Variants in NCOR1 observed in about 807,000 individuals in gnomAD.
The protein encoded by NCOR1 is protein phosphatase 1, regulatory subunit 109.
A neutral mutation model predicts 288.1 loss-of-function variants in NCOR1; 63 were observed. The observed-to-expected ratio is 0.22, with a 90% CI of 0.18 to 0.27. NCOR1 has a LOEUF of 0.27. Among genes scored for constraint, NCOR1 ranks in the 10% least tolerant of loss-of-function variants. The probability of loss-of-function intolerance (pLI) is 1.00; values close to 1 mark genes in which losing one functional copy is unlikely to be tolerated. For synonymous variants in NCOR1, 1,007 were observed against 1,065.9 expected (o/e 0.94, Z 1.08); for missense variants, 2,397 against 3,019.2 (o/e 0.79, Z 4.83).
intron 42 of NCOR1, among the ~76,000 whole-genome samples, chr17:16,045,474 T>C (rs988771525): frequency 6.6e-6 from 1 of 152,194 alleles, no homozygotes; most frequent in Non-Finnish European, 1.5e-5. Context: ...GATAACCTTT[T>C]GCTACCATTA....
intron 2 of NCOR1, among the ~76,000 whole-genome samples, chr17:16,191,092 T>G (rs2088169647): frequency 6.6e-6 from 1 of 152,236 alleles, no homozygotes; most frequent in South Asian, 2.1e-4. Flanking sequence ...AGCCTATGCC[T>G]GAATTCTAGT....
intron 1 of NCOR1, among the ~76,000 whole-genome samples, chr17:16,207,969 T>C (rs753919008): frequency 6.6e-6 from 1 of 151,226 alleles, no homozygotes; most frequent in African/African-American, 2.4e-5. Flanking sequence ...CTAGTCGATA[T>C]TATTCTTTCA....
intron 5 of NCOR1, among the ~76,000 whole-genome samples, chr17:16,159,534 G>C (rs2080405236): frequency 6.6e-6 from 1 of 151,544 alleles, no homozygotes; most frequent in Non-Finnish European, 1.5e-5. Flanking sequence ...TGACAGCACT[G>C]AAAAAACACT....
intron 2 of NCOR1, among the ~76,000 whole-genome samples, chr17:16,193,976 CA>C (rs1206479513): frequency 1.3e-5 from 2 of 152,146 alleles, no homozygotes; most frequent in Non-Finnish European, 2.9e-5. Context: ...TTATTTTTCA[CA>C]AGGTAAATCA....
chr17:16,081,617 T>A (rs1226689197), intron 23 of NCOR1, among the ~76,000 whole-genome samples: 2 of 152,184 alleles, frequency 1.3e-5, no homozygotes, highest in Admixed American at 1.3e-4. Flanking sequence ...ATTGTTTGAC[T>A]TCTCTGTTGG....
chr17:16,154,726 T>C (rs1455661331), intron 6 of NCOR1, among the ~76,000 whole-genome samples: 1 of 152,118 alleles, frequency 6.6e-6, no homozygotes, highest in African/African-American at 2.4e-5. Context: ...AAGGTTCTAT[T>C]TGGAGAATCA....
chr17:16,160,892 G>C (rs1218066584), intron 5 of NCOR1, among the ~76,000 whole-genome samples: 2 of 152,054 alleles, frequency 1.3e-5, no homozygotes, highest in African/African-American at 4.8e-5. Context: ...GGGAGTTTCT[G>C]AACCTATTCT....
chr17:16,039,534 A>T lies in NCOR1; in HGVS notation c.6854T>A (p.Val2285Asp), dbSNP rs2057149208. The change falls in exon 44 of 46, where the codon GTC becomes GAC. Residue 2285 changes from valine (V) to aspartate (D), a missense_variant. Val to Asp is a radical substitution (Grantham distance 152, BLOSUM62 -3). Around this residue, in one of 11 missense-constraint regions of NCOR1, gnomAD observed 1,872 missense variants for 2,187.8 expected, o/e 0.86. Transcript: ENST00000268712. ...CACTACTCCCATAGGCTGGGACATGACAACTCCATGATCCTCAACTTTGTC... is the reference window on the plus strand; with the variant it reads ...CACTACTCCCATAGGCTGGGACATGTCAACTCCATGATCCTCAACTTTGTC... ...FDDKVEDHGV[V>D]MSQPMGVVPG... is the part of the protein sequence containing the mutation. 6.2e-7 allele frequency: 1 copy of T among 1,614,046 alleles called. No homozygotes were observed. Among genetic ancestry groups the T allele is most frequent in the African/African-American group, 1.3e-5 (1 of 74,918 alleles).
At chr17:16,074,255 A>C (rs1370211746) in intron 27 of NCOR1, among the ~76,000 whole-genome samples, 1 of 152,180 alleles carries the variant, frequency 6.6e-6, no homozygotes, top group East Asian at 1.9e-4. Flanking sequence ...AGTTATATCC[A>C]GGGTGATGGA....
chr17:16,124,216 T>G (rs1745825732), intron 15 of NCOR1, among the ~76,000 whole-genome samples: 2 of 152,158 alleles, frequency 1.3e-5, no homozygotes, highest in African/African-American at 4.8e-5. Context: ...CCACAAGGAC[T>G]ATAGATATAA....
Position 16,056,889 on chromosome 17 carries a change from TATAC to T in NCOR1, c.6392+621_6392+624del, listed in dbSNP as rs1027119386. The T allele has an allele frequency of 1.3e-3, 191 of 151,534 alleles. 1 individual carries two copies. Among genetic ancestry groups the T allele is most frequent in the African/African-American group, 4.3e-3 (177 of 41,104 alleles). 9.4% of individuals were successfully genotyped at this position (151,534 alleles called of 1,614,324 possible). On this transcript the variant is annotated intron_variant, in intron 40 of 45. Coordinates refer to ENST00000268712, the MANE Select transcript of NCOR1 (RefSeq NM_006311.4). ...GTGCATATATATATGTGTGTGTATC[TATAC>T]ATACATATATACATATATATATATA...
chr17:16,146,845 T>G (rs2078062528), intron 9 of NCOR1, among the ~76,000 whole-genome samples: 1 of 152,154 alleles, frequency 6.6e-6, no homozygotes, highest in Admixed American at 6.5e-5. Context: ...TTTATTTTGC[T>G]TAAAACATTA....
chr17:16,052,794 T>C (rs1352853165), intron 40 of NCOR1, among the ~76,000 whole-genome samples: 1 of 151,968 alleles, frequency 6.6e-6, no homozygotes. Flanking sequence ...GACACAACAA[T>C]AAAAAGAAAA....
In NCOR1 at chr17:16,061,319, C is replaced by T. The variant is rs927195711; in HGVS notation, c.5881+82G>A. The T allele has an allele frequency of 1.8e-5, 26 of 1,477,014 alleles. No individual in the cohort carries two copies. In the Admixed American group the frequency reaches 2.8e-4, roughly 16 times the overall value. 91.5% of individuals were successfully genotyped at this position (1,477,014 alleles called of 1,614,324 possible). ...TATCAACCGTTAGGATTTTTAAATA[C>T]CATATAGTTCTACTTGACCTAAAGA... On this transcript the variant is annotated intron_variant, in intron 37 of 45. Coordinates refer to ENST00000268712, the MANE Select transcript of NCOR1 (RefSeq NM_006311.4).
At chr17:16,056,160 G>T (rs2059891801) in intron 40 of NCOR1, among the ~76,000 whole-genome samples, 1 of 152,026 alleles carries the variant, frequency 6.6e-6, no homozygotes, top group Non-Finnish European at 1.5e-5. Context: ...AGGTAGGCTG[G>T]AGAATCACTT....
chr17:16,198,956 T>C (rs985462496), intron 1 of NCOR1, among the ~76,000 whole-genome samples: 18 of 152,012 alleles, frequency 1.2e-4, no homozygotes, highest in Non-Finnish European at 2.5e-4. Flanking sequence ...CCTAAATGAT[T>C]AGAAACCCAT....
chr17:16,061,847 G>A lies in NCOR1; in HGVS notation c.5435C>T (p.Ser1812Phe), dbSNP rs1429917978. 6.2e-7 allele frequency: 1 copy of A among 1,613,940 alleles called. No individual in the cohort carries two copies. Among genetic ancestry groups the A allele is most frequent in the African/African-American group, 1.3e-5 (1 of 75,028 alleles). Residue 1812 changes from serine to phenylalanine, a missense_variant, in exon 37 of 46, where the codon TCC (serine) becomes TTC (phenylalanine). This residue lies in a region of NCOR1 where 1,872 missense variants were observed against 2,187.8 expected (regional missense o/e 0.86). Transcript: ENST00000268712. ...GPSISQGLPA[S>F]RYNTAADALA... Reference sequence around the variant, plus strand: ...GGCATCCGCAGCAGTGTTGTAACGGGAGGCTGGCAGGCCTTGGCTTATTGA... The same window carrying A: ...GGCATCCGCAGCAGTGTTGTAACGGAAGGCTGGCAGGCCTTGGCTTATTGA...
intron 44 of NCOR1, among the ~76,000 whole-genome samples, chr17:16,037,230 A>G (rs7223169): frequency 0.039 from 5,923 of 152,280 alleles, 396 homozygotes; most frequent in African/African-American, 0.13. Context: ...TGGTGCCCCC[A>G]AACAATTACA....
chr17:16,164,419 T>C (rs920557419), intron 5 of NCOR1, among the ~76,000 whole-genome samples: 10 of 152,024 alleles, frequency 6.6e-5, no homozygotes, highest in African/African-American at 1.9e-4. Flanking sequence ...GACAAAACGC[T>C]TGAACAATGC....
Sources: gnomAD v4.1 joint callset for allele counts (sites outside exome capture counted in the v4.1 genomes callset) on GRCh38, gnomAD v4.1.1 for gene constraint, gnomAD v4.1.1 regional missense constraint, MANE v1.5 for transcripts, NCBI Gene and HGNC (gene_info 2026-07-23, HGNC 2026-07-21) for gene names.